LYRM9: variants seen among roughly 807,000 people sequenced by gnomAD.
The protein encoded by LYRM9 is LYR motif-containing protein 9.
A neutral mutation model predicts 12.6 loss-of-function variants in LYRM9; 14 were observed. The ratio of observed to expected loss-of-function variants is 1.11; its 90% CI spans 0.73 to 1.73. LYRM9 has a LOEUF of 1.73. LYRM9 is among the 40% of genes most tolerant of loss of function. The probability of loss-of-function intolerance (pLI) is 0.00; values close to 1 mark genes in which losing one functional copy is unlikely to be tolerated. For missense variants in LYRM9, 94 were observed against 95.0 expected, an observed-to-expected ratio of 0.99 and a Z score of 0.04; for synonymous variants, 42 against 35.1, an observed-to-expected ratio of 1.20 and a Z score of -0.69.
chr17:27,892,916 C>G (rs1390168069), intron 1 of LYRM9: 1 of 152,866 alleles, frequency 6.5e-6, no homozygotes, highest in African/African-American at 2.4e-5. Flanking sequence ...ATCATCACGA[C>G]AAGGTTGCTC....
intron 1 of LYRM9, among the ~76,000 whole-genome samples, chr17:27,884,342 A>G (rs570504430): frequency 6.6e-6 from 1 of 152,136 alleles, no homozygotes. Context: ...CTGTCACTCC[A>G]GTCTCCTCCA....
At chr17:27,884,134 G>A (rs1488408368) in intron 1 of LYRM9, among the ~76,000 whole-genome samples, 4 of 146,126 alleles carry the variant, frequency 2.7e-5, no homozygotes, top group Admixed American at 7.2e-5. Flanking sequence ...TGTGTCTACA[G>A]AACCCACATT....
intron 1 of LYRM9, among the ~76,000 whole-genome samples, chr17:27,887,714 GTGT>G (rs1172808294): frequency 8.9e-6 from 1 of 111,930 alleles, no homozygotes; most frequent in Non-Finnish European, 1.8e-5. Context: ...AGGAGGGAGG[GTGT>G]GTGTGTGTGT....
At chr17:27,891,722 A>G (rs1321722306) in intron 1 of LYRM9, among the ~76,000 whole-genome samples, 1 of 152,184 alleles carries the variant, frequency 6.6e-6, no homozygotes, top group Admixed American at 6.5e-5. Flanking sequence ...TTGGAGACAA[A>G]GAACCCTAGT....
At chr17:27,890,133 G>C (rs1193756017) in intron 1 of LYRM9, among the ~76,000 whole-genome samples, 1 of 152,196 alleles carries the variant, frequency 6.6e-6, no homozygotes, top group African/African-American at 2.4e-5. Flanking sequence ...AGGTCTATTT[G>C]ATTCCAAAGA....
chr17:27,887,406 G>T (rs1905265019), intron 1 of LYRM9, among the ~76,000 whole-genome samples: 1 of 152,188 alleles, frequency 6.6e-6, no homozygotes, highest in African/African-American at 2.4e-5. Flanking sequence ...GTATCAAATT[G>T]AAATGTGGAC....
At chr17:27,882,544 C>T (rs760087537) in intron 2 of LYRM9, 25 bp downstream of exon 2, 3 of 1,555,648 alleles carry the variant, frequency 1.9e-6, no homozygotes, top group Admixed American at 1.8e-5. Context: ...AGGCAGCCCC[C>T]AGACCTGGTA....
intron 2 of LYRM9, among the ~76,000 whole-genome samples, chr17:27,881,753 G>A (rs1905066182): frequency 6.6e-6 from 1 of 151,982 alleles, no homozygotes; most frequent in Non-Finnish European, 1.5e-5. Flanking sequence ...ACTCAACATT[G>A]ATACAACTCT....
intron 1 of LYRM9, among the ~76,000 whole-genome samples, chr17:27,887,671 C>T (rs1423058427): frequency 6.6e-6 from 1 of 151,772 alleles, no homozygotes; most frequent in African/African-American, 2.4e-5. Flanking sequence ...GATGTACTTA[C>T]TCATTGGGGT....
intron 2 of LYRM9, 75 bp downstream of exon 2, chr17:27,882,494 G>C: frequency 6.9e-7 from 1 of 1,451,266 alleles, no homozygotes; most frequent in Non-Finnish European, 9.1e-7. Context: ...TCTGTGCCCT[G>C]GCCTTGGCCT....
rs1387342857 is a variant in LYRM9 at position 27,879,243 on chromosome 17, A to G, written c.*230T>C. 2 of 442,692 alleles carry G rather than the reference A, an allele frequency of 4.5e-6. No individual in the cohort carries two copies. Among genetic ancestry groups the G allele is most frequent in the African/African-American group, 4.1e-5 (2 of 48,424 alleles). The allele number at this position is 442,692 out of a possible 1,614,324, so 27.4% of individuals were successfully genotyped here. ...AAACACACAAAAGAAGCAAAAAAAT[A>G]CTACATTCTCCCCAAATTTCACATC... On this transcript the variant is annotated 3_prime_UTR_variant, in exon 4 of 4. Coordinates refer to ENST00000379102, the MANE Select transcript of LYRM9 (RefSeq NM_001076680.3).
Position 27,885,701 on chromosome 17 carries a change from CAAAAAAAAAAAAA to C in LYRM9, c.-18-3002_-18-2990del, listed in dbSNP as rs61615628. ...GATGACACAAAGTGAAACTCTGTCT[CAAAAAAAAAAAAA>C]AAAAAAAAAAAAAGAATTCATTTGG... is the stretch of plus-strand genomic sequence containing the variant. On this transcript the variant is annotated intron_variant, in intron 1 of 3. Coordinates refer to ENST00000379102, the MANE Select transcript of LYRM9 (RefSeq NM_001076680.3). 3.4e-3 allele frequency among the ~76,000 whole-genome samples: 101 copies of C among 29,386 alleles called. 1 individual carries two copies. The highest frequency in any genetic ancestry group is 6.4e-3 in the Non-Finnish European group (87 of 13,614). 19.3% of individuals were successfully genotyped at this position (29,386 alleles called of 152,430 possible). A position where few individuals can be genotyped will look rare whatever the true frequency, so the allele number is the denominator to read the frequency against.
Position 27,882,688 on chromosome 17 carries a change from G to A in LYRM9, c.7C>T (p.Pro3Ser), listed in dbSNP as rs1463287426. 1.9e-6 allele frequency: 3 copies of A among 1,601,864 alleles called. No homozygotes were observed. The highest frequency in any genetic ancestry group is 2.7e-5 in the African/African-American group (2 of 74,690). Reference sequence around the variant, plus strand: ...CGAACCAGTTCTGCTCCTGGCAGCGGGGCCATCCGTGAGACCCTCTGTCCC... The same window carrying A: ...CGAACCAGTTCTGCTCCTGGCAGCGAGGCCATCCGTGAGACCCTCTGTCCC... MAPLPGAELVRRP... is the reference protein window; with the variant it reads MASLPGAELVRRP... The change falls in exon 2 of 4, where the codon CCG becomes TCG. Residue 3 changes from proline to serine, a missense_variant. Transcript: ENST00000379102.
In LYRM9 at chr17:27,879,315, G is replaced by A. The variant is rs201112912; in HGVS notation, c.*158C>T. ...CATAAAGGATGCTAGCAACATGGCC[G>A]CGGCAAGAGGAGCCTCTGGAGCAAG... On this transcript the variant is annotated 3_prime_UTR_variant, in exon 4 of 4. Coordinates refer to ENST00000379102, the MANE Select transcript of LYRM9 (RefSeq NM_001076680.3). 53 of 640,126 alleles carry A rather than the reference G, an allele frequency of 8.3e-5. No individual in the cohort carries two copies. Among genetic ancestry groups the A allele is most frequent in the Admixed American group, 2.6e-4 (7 of 26,454 alleles). 39.7% of individuals were successfully genotyped at this position (640,126 alleles called of 1,614,324 possible).
At chr17:27,883,867 A>AAAAAAAAAC (rs1905149589) in intron 1 of LYRM9, among the ~76,000 whole-genome samples, 1 of 148,848 alleles carries the variant, frequency 6.7e-6, no homozygotes, top group African/African-American at 2.5e-5. Context: ...AAAAAAAAAA[A>AAAAAAAAAC]AAAGGCTGTA....
intron 1 of LYRM9, among the ~76,000 whole-genome samples, chr17:27,891,745 C>T (rs1905458394): frequency 6.6e-6 from 1 of 152,168 alleles, no homozygotes. Context: ...AAAAGCCTAC[C>T]TCTGCTATCT....
chr17:27,879,818 C>T (rs1307208109), intron 3 of LYRM9: 6 of 549,312 alleles, frequency 1.1e-5, no homozygotes, highest in East Asian at 6.2e-5. Flanking sequence ...AGGGCCAAGA[C>T]GCCAGTCTAC....
chr17:27,890,544 C>T (rs1285501259), intron 1 of LYRM9, among the ~76,000 whole-genome samples: 1 of 152,134 alleles, frequency 6.6e-6, no homozygotes, highest in Non-Finnish European at 1.5e-5. Flanking sequence ...AATAAAGCTA[C>T]AAAGGGAATT....
intron 1 of LYRM9, chr17:27,892,254 T>C: frequency 8.3e-6 from 3 of 360,992 alleles, no homozygotes; most frequent in Non-Finnish European, 1.6e-5. Flanking sequence ...CTTTCCTACT[T>C]TATTTGGCTT....
Sources: allele counts gnomAD v4.1 joint callset (sites outside exome capture counted in the v4.1 genomes callset), GRCh38; gene constraint gnomAD v4.1.1; transcripts MANE v1.5; gene names NCBI Gene and HGNC (gene_info 2026-07-23, HGNC 2026-07-21).